The following TMEM108 variants were observed in gnomAD, a reference collection of about 807,000 sequenced individuals.
TMEM108 encodes transmembrane protein 108, also known as cancer/testis antigen 124.
In TMEM108, 12 loss-of-function variants were observed where a neutral mutation model predicts 35.1. The observed-to-expected ratio is 0.34, with a 90% CI of 0.22 to 0.55. The LOEUF is 0.55. TMEM108 is among the 20% of genes least tolerant of loss of function. The pLI is 0.89. For synonymous variants in TMEM108, 287 were observed against 308.6 expected (o/e 0.93, Z 0.73); for missense variants, 680 against 753.3 (o/e 0.90, Z 1.14).
intron 3 of TMEM108, among the ~76,000 whole-genome samples, chr3:133,373,707 G>T (rs1230674836): frequency 6.6e-6 from 1 of 152,210 alleles, no homozygotes; most frequent in Non-Finnish European, 1.5e-5. Flanking sequence ...CAAACTCCCT[G>T]ATGGTCAGAC....
intron 2 of TMEM108, among the ~76,000 whole-genome samples, chr3:133,126,984 GTAAT>G (rs1228062120): frequency 2.6e-5 from 4 of 152,150 alleles, no homozygotes; most frequent in African/African-American, 9.7e-5. Flanking sequence ...AGGGCTGACT[GTAAT>G]TAATATAACT....
At chr3:133,066,783 G>C (rs1559821700) in intron 2 of TMEM108, among the ~76,000 whole-genome samples, 1 of 152,160 alleles carries the variant, frequency 6.6e-6, no homozygotes, top group Non-Finnish European at 1.5e-5. Flanking sequence ...AGCCCCCAAT[G>C]TGCTCTTTAC....
In TMEM108 at chr3:133,147,352, C is replaced by T. The variant is rs114245151; in HGVS notation, c.-46-81914C>T. Among the ~76,000 whole-genome samples, 1,363 of 152,102 alleles carry T rather than the reference C, an allele frequency of 9.0e-3. 18 individuals carry two copies. Among genetic ancestry groups the T allele is most frequent in the African/African-American group, 0.03 (1,261 of 41,524 alleles). On this transcript the variant is annotated intron_variant, in intron 2 of 5. Transcript: ENST00000321871. ...GTTTGTTATGATTTTCGTTATTTTGCGTTTGCTTATGTGTTCCCTTTTCTT... is the reference window on the plus strand; with the variant it reads ...GTTTGTTATGATTTTCGTTATTTTGTGTTTGCTTATGTGTTCCCTTTTCTT...
At chr3:133,129,351 C>T (rs867733025) in intron 2 of TMEM108, among the ~76,000 whole-genome samples, 2 of 79,730 alleles carry the variant, frequency 2.5e-5, no homozygotes, top group Non-Finnish European at 6.7e-5. Flanking sequence ...CACCCACACC[C>T]CCCCCCCCAA....
chr3:133,355,158 G>A (rs1195105174), intron 3 of TMEM108, among the ~76,000 whole-genome samples: 1 of 152,176 alleles, frequency 6.6e-6, no homozygotes, highest in Non-Finnish European at 1.5e-5. Context: ...TTTGTGAATG[G>A]TTATAAAGAA....
At chr3:133,255,094 G>A (rs991784708) in intron 3 of TMEM108, among the ~76,000 whole-genome samples, 1 of 152,174 alleles carries the variant, frequency 6.6e-6, no homozygotes, top group Non-Finnish European at 1.5e-5. Context: ...TACCTTCAGA[G>A]TCATGCAGCA....
chr3:133,249,879 T>C (rs1946443201), intron 3 of TMEM108, among the ~76,000 whole-genome samples: 4 of 152,182 alleles, frequency 2.6e-5, no homozygotes, highest in Admixed American at 2.6e-4. Context: ...TAAGTGACTA[T>C]CATGCATATA....
At chr3:133,090,561 C>T (rs751525873) in intron 2 of TMEM108, among the ~76,000 whole-genome samples, 1 of 152,158 alleles carries the variant, frequency 6.6e-6, no homozygotes, top group Non-Finnish European at 1.5e-5. Context: ...ATAATATATT[C>T]ATATATTGCC....
intron 3 of TMEM108, among the ~76,000 whole-genome samples, chr3:133,287,753 G>A (rs57702813): frequency 0.32 from 48,594 of 152,032 alleles, 8,544 homozygotes; most frequent in East Asian, 0.48. Flanking sequence ...AACCAAAAAA[G>A]TTTTTAGTTA....
chr3:133,232,339 A>G (rs1368116681), intron 3 of TMEM108, among the ~76,000 whole-genome samples: 1 of 152,078 alleles, frequency 6.6e-6, no homozygotes, highest in Non-Finnish European at 1.5e-5. Context: ...GGTTGTTTGA[A>G]AGAATCTGGC....
chr3:133,228,302 T>C (rs1946103778), intron 2 of TMEM108, among the ~76,000 whole-genome samples: 1 of 152,222 alleles, frequency 6.6e-6, no homozygotes, highest in Admixed American at 6.5e-5. Flanking sequence ...TTAAAAATTT[T>C]ATATACAAAT....
intron 2 of TMEM108, among the ~76,000 whole-genome samples, chr3:133,108,325 ATGGTATCTCATTG>A (rs1326840282): frequency 1.3e-5 from 2 of 151,954 alleles, no homozygotes; most frequent in Admixed American, 1.3e-4. Flanking sequence ...CTGGTGTGAG[ATGGTATCTCATTG>A]TGGTTTTGAT....
intron 3 of TMEM108, among the ~76,000 whole-genome samples, chr3:133,313,344 C>CG (rs2071157921): frequency 6.6e-6 from 1 of 151,990 alleles, no homozygotes; most frequent in Non-Finnish European, 1.5e-5. Context: ...ACTACAGTTG[C>CG]CCACCACCAC....
chr3:133,348,114 TGA>T lies in TMEM108; in HGVS notation c.41-31636_41-31635del, dbSNP rs535269611. On this transcript the variant is annotated intron_variant, in intron 3 of 5. Transcript: ENST00000321871. Reference sequence around the variant, plus strand: ...AGATATTTTTGAAAAACAAGAGTAATGAGGGGGGGGCCAGATTTGCTTTACCA... The same window carrying T: ...AGATATTTTTGAAAAACAAGAGTAATGGGGGGGGCCAGATTTGCTTTACCA... 6.2e-4 allele frequency among the ~76,000 whole-genome samples: 93 copies of T among 151,126 alleles called. 1 individual carries two copies. Among genetic ancestry groups the T allele is most frequent in the African/African-American group, 2.2e-3 (91 of 40,990 alleles).
chr3:133,144,578 C>A (rs1206696051), intron 2 of TMEM108, among the ~76,000 whole-genome samples: 1 of 152,194 alleles, frequency 6.6e-6, no homozygotes, highest in Non-Finnish European at 1.5e-5. Flanking sequence ...AACTAATTTA[C>A]AGTCCTACCA....
chr3:133,369,556 GGTT>G (rs1174287602), intron 3 of TMEM108, among the ~76,000 whole-genome samples: 2 of 152,174 alleles, frequency 1.3e-5, no homozygotes, highest in African/African-American at 2.4e-5. Context: ...TGTATGTTCA[GGTT>G]GTTGTCTCTC....
At position 133,319,916 on chromosome 3, in the gene TMEM108, A is replaced by G. The variant is rs531238812; in HGVS notation, c.41-59836A>G. Among the ~76,000 whole-genome samples the G allele has an allele frequency of 1.1e-4, 16 of 152,258 alleles. No individual in the cohort carries two copies. In the East Asian group the frequency reaches 3.1e-3, roughly 29 times the overall value. ...CAGCCCTTAAGTTCCAGATTTTTCC[A>G]CTGAAATAGTCTACCCAGATGAGAA... On this transcript the variant is annotated intron_variant, in intron 3 of 5. Coordinates refer to ENST00000321871, the MANE Select transcript of TMEM108 (RefSeq NM_023943.4).
At position 133,381,019 on chromosome 3, in the gene TMEM108, CGGGACCTGGAAGCCT is replaced by C. The variant is rs1257173833; in HGVS notation, c.1314_1328del (p.Trp439_Thr443del). On this transcript the variant is annotated inframe_deletion, in exon 4 of 6. Coordinates refer to ENST00000321871, the MANE Select transcript of TMEM108 (RefSeq NM_023943.4). ...ATTTCCTCAACCGCCTGGTCCCCGCCGGGACCTGGAAGCCTGGGACAGCAGGGAACATCTCCCATG... is the reference window on the plus strand; with the variant it reads ...ATTTCCTCAACCGCCTGGTCCCCGCCGGGACAGCAGGGAACATCTCCCATG... 6.2e-7 allele frequency: 1 copy of C among 1,614,218 alleles called. No individual in the cohort carries two copies. The highest frequency in any genetic ancestry group is 1.3e-5 in the African/African-American group (1 of 75,052).
intron 2 of TMEM108, among the ~76,000 whole-genome samples, chr3:133,093,379 A>G (rs944702336): frequency 1.3e-5 from 2 of 152,176 alleles, no homozygotes; most frequent in Non-Finnish European, 2.9e-5. Context: ...CTCTTGGGAC[A>G]CCACACTCTT....
Sources: allele counts gnomAD v4.1 joint callset (sites outside exome capture counted in the v4.1 genomes callset), GRCh38; gene constraint gnomAD v4.1.1; transcripts MANE v1.5; gene names NCBI Gene and HGNC (gene_info 2026-07-23, HGNC 2026-07-21).